The following NLRP13 variants were observed in gnomAD, a reference collection of about 807,000 sequenced individuals.
The protein encoded by NLRP13 is NACHT, LRR and PYD domains-containing protein 13.
A neutral mutation model predicts 94.4 loss-of-function variants in NLRP13; 82 were observed. That is an observed-to-expected ratio of 0.87 (90% CI 0.73 to 1.04). NLRP13 has a LOEUF of 1.04. Ranked by LOEUF, NLRP13 falls within the 50% of genes least tolerant of loss-of-function variation. NLRP13 has a pLI of 0.00. For missense variants in NLRP13, 1,426 were observed against 1,230.8 expected (o/e 1.16, Z -2.37); for synonymous variants, 553 against 464.7 (o/e 1.19, Z -2.45).
chr19:55,916,817 T>G (rs1176522767), intron 4 of NLRP13, among the ~76,000 whole-genome samples: 1 of 152,026 alleles, frequency 6.6e-6, no homozygotes, highest in Non-Finnish European at 1.5e-5. Context: ...GAGAAAAACT[T>G]CCCTACTCTG....
rs1056760924 is a variant in NLRP13 at position 55,913,004 on chromosome 19, A to G, written c.813T>C (p.His271=). ...TAGTTTCCTTCATGTACCTTATTTT[A>G]TGGCAGCTGAGATAGAAAACATAGG... ...RFSYVFYLSC[H]KIRYMKETTF... The change falls in exon 5 of 11, where the codon CAT becomes CAC. Residue 271 remains histidine, a synonymous_variant. Transcript: ENST00000342929. The G allele has an allele frequency of 1.9e-6, 3 of 1,614,188 alleles. No individual in the cohort carries two copies. The highest frequency in any genetic ancestry group is 2.5e-6 in the Non-Finnish European group (3 of 1,180,016).
chr19:55,928,093 G>A (rs1474804240), intron 1 of NLRP13, among the ~76,000 whole-genome samples: 1 of 152,182 alleles, frequency 6.6e-6, no homozygotes, highest in Non-Finnish European at 1.5e-5. Context: ...GGCTGGTGAG[G>A]TGGATGTGGC....
chr19:55,920,208 C>T (rs1219785808), intron 4 of NLRP13, among the ~76,000 whole-genome samples: 3 of 152,102 alleles, frequency 2.0e-5, no homozygotes, highest in African/African-American at 7.2e-5. Context: ...AAATGTAAGA[C>T]CTGAAACTGT....
intron 6 of NLRP13, 31 bp downstream of exon 6, chr19:55,910,532 T>C: frequency 6.5e-7 from 1 of 1,533,562 alleles, no homozygotes; most frequent in Non-Finnish European, 8.8e-7. Context: ...TCCTAGGGTA[T>C]CTTCTTGAGC....
chr19:55,910,500 A>G (rs1333540155), intron 6 of NLRP13, 63 bp downstream of exon 6: 3 of 1,433,888 alleles, frequency 2.1e-6, no homozygotes, highest in Non-Finnish European at 2.8e-6. Flanking sequence ...ACACTCATCA[A>G]AAGAGAGAAG....
At chr19:55,925,196 C>T (rs1986938677) in intron 1 of NLRP13, among the ~76,000 whole-genome samples, 161 bp from the exon 2 acceptor site, 1 of 152,216 alleles carries the variant, frequency 6.6e-6, no homozygotes, top group African/African-American at 2.4e-5. Flanking sequence ...ACTGAAGATG[C>T]AGTGTGCACT....
downstream of NLRP13, chr19:55,892,010 C>G (rs1451353493): frequency 7.1e-6 from 7 of 988,596 alleles, no homozygotes; most frequent in African/African-American, 6.8e-5. Flanking sequence ...ATCACCACCA[C>G]CACTTGTCTT....
intron 3 of NLRP13, 143 bp from the exon 4 acceptor site, chr19:55,924,122 AT>A: frequency 1.5e-6 from 1 of 660,532 alleles, no homozygotes; most frequent in South Asian, 1.9e-5. Context: ...CCCAGTTTAT[AT>A]TTTTTATTTA....
chr19:55,911,710 G>A lies in NLRP13; in HGVS notation c.2107C>T (p.Leu703=). Residue 703 remains leucine (L), a synonymous_variant, in exon 5 of 11, where the codon CTG becomes TTG. Coordinates refer to ENST00000342929, the MANE Select transcript of NLRP13 (RefSeq NM_176810.2). ...GAAATGGTTTGTAATACTCACTCCAGAATTTCCAAGTCCCTTTCAAGGATG... is the reference window on the plus strand; with the variant it reads ...GAAATGGTTTGTAATACTCACTCCAAAATTTCCAAGTCCCTTTCAAGGATG... The part of the protein sequence containing the change: ...SHILERDLEI[L]ETSKFDSRMH... The A allele has an allele frequency of 6.3e-7, 1 of 1,594,256 alleles. No individual in the cohort carries two copies. Among genetic ancestry groups the A allele is most frequent in the Non-Finnish European group, 8.5e-7 (1 of 1,170,774 alleles).
intron 2 of NLRP13, 127 bp downstream of exon 2, chr19:55,924,840 T>C: frequency 1.1e-6 from 1 of 893,220 alleles, no homozygotes; most frequent in Non-Finnish European, 1.8e-6. Context: ...AAGAATTAGT[T>C]GGAAAGTTTT....
chr19:55,928,135 C>T (rs968651566), intron 1 of NLRP13, among the ~76,000 whole-genome samples: 1 of 152,174 alleles, frequency 6.6e-6, no homozygotes, highest in African/African-American at 2.4e-5. Flanking sequence ...GAGGTATCTT[C>T]CCCATGACCC....
intron 4 of NLRP13, among the ~76,000 whole-genome samples, chr19:55,919,091 C>T (rs576539794): frequency 7.2e-5 from 11 of 152,184 alleles, no homozygotes; most frequent in East Asian, 5.8e-4. Context: ...AAATGTGATT[C>T]GCCACATAAA....
chr19:55,920,125 A>G (rs1453751129), intron 4 of NLRP13, among the ~76,000 whole-genome samples: 1 of 152,218 alleles, frequency 6.6e-6, no homozygotes, highest in African/African-American at 2.4e-5. Context: ...CTGGCTAGCC[A>G]TATGTAGAAG....
Position 55,898,816 on chromosome 19 carries a change from G to C in NLRP13, c.2911C>G (p.Leu971Val), listed in dbSNP as rs1223174811. The C allele has an allele frequency of 6.2e-7, 1 of 1,613,730 alleles. No homozygotes were observed. Among genetic ancestry groups the C allele is most frequent in the Non-Finnish European group, 8.5e-7 (1 of 1,179,846 alleles). Residue 971 changes from leucine (L) to valine (V), a missense_variant, in exon 10 of 11, where the codon CTA (leucine) becomes GTA (valine). By Grantham distance (32) the Leu-to-Val change is conservative. Coordinates refer to ENST00000342929, the MANE Select transcript of NLRP13 (RefSeq NM_176810.2). Reference protein sequence around the residue: ...ENDLQDDGVKLLCEALKPHRA... With the variant: ...ENDLQDDGVKVLCEALKPHRA... Reference sequence around the variant, plus strand: ...TGTGGTTTCAGAGCCTCACACAGTAGCTTCACTCCATCATCCTGAAGATCA... The same window carrying C: ...TGTGGTTTCAGAGCCTCACACAGTACCTTCACTCCATCATCCTGAAGATCA...
In NLRP13 at chr19:55,900,135, T is replaced by C. The variant is rs150389714; in HGVS notation, c.2790-1198A>G. On this transcript the variant is annotated intron_variant, in intron 9 of 10. Transcript: ENST00000342929. Reference sequence around the variant, plus strand: ...TTCCACATTGTATTCATAAAGTTTGTACCCCCAAAACATATACAGATGGTA... The same window carrying C: ...TTCCACATTGTATTCATAAAGTTTGCACCCCCAAAACATATACAGATGGTA... 3.5e-3 allele frequency among the ~76,000 whole-genome samples: 529 copies of C among 152,196 alleles called. 19 individuals are homozygous for C. In the South Asian group the frequency reaches 0.083, roughly 24 times the overall value.
At chr19:55,922,927 G>A (rs1441042691) in intron 4 of NLRP13, among the ~76,000 whole-genome samples, 1 of 152,174 alleles carries the variant, frequency 6.6e-6, no homozygotes, top group African/African-American at 2.4e-5. Context: ...AAGAGTAGTG[G>A]GTGGATGTCT....
downstream of NLRP13, among the ~76,000 whole-genome samples, chr19:55,894,919 A>C (rs1443249018): frequency 6.6e-6 from 1 of 152,216 alleles, no homozygotes; most frequent in Admixed American, 6.5e-5. Flanking sequence ...TACGGTAGTC[A>C]TTAGCGACAT....
In NLRP13 at chr19:55,898,381, C is replaced by T. The variant is rs562702853; in HGVS notation, c.2957+389G>A. On this transcript the variant is annotated intron_variant, in intron 10 of 10. Coordinates refer to ENST00000342929, the MANE Select transcript of NLRP13 (RefSeq NM_176810.2). ...CCCACCTATACACCCAGCTAATTTT[C>T]GTATTTTTAGTAGAGATGGGGTTTC... Among the ~76,000 whole-genome samples the T allele has an allele frequency of 7.9e-5, 12 of 152,014 alleles. No homozygotes were observed. In the South Asian group the frequency reaches 1.7e-3, roughly 21 times the overall value.
chr19:55,911,651 A>C, intron 5 of NLRP13, 55 bp downstream of exon 5: 1 of 1,485,812 alleles, frequency 6.7e-7, no homozygotes, highest in Non-Finnish European at 9.1e-7. Context: ...AAGAATTTGC[A>C]CAGAGCCTGA....
Sources: gnomAD v4.1 joint callset for allele counts (sites outside exome capture counted in the v4.1 genomes callset) on GRCh38, gnomAD v4.1.1 for gene constraint, MANE v1.5 for transcripts, NCBI Gene and HGNC (gene_info 2026-07-23, HGNC 2026-07-21) for gene names.